The following MARCHF6 variants were observed in gnomAD, a reference collection of about 807,000 sequenced individuals.
MARCHF6 encodes membrane associated ring-CH-type finger 6, also known as E3 ubiquitin-protein ligase MARCHF6.
Under a neutral mutation model 133.7 loss-of-function variants are expected in MARCHF6, and 31 were observed. The observed-to-expected ratio is 0.23, with a 90% CI of 0.17 to 0.31. The LOEUF (loss-of-function observed/expected upper bound fraction) is 0.31. Ranked by LOEUF, MARCHF6 falls within the 10% of genes least tolerant of loss-of-function variation. The probability of loss-of-function intolerance (pLI) is 1.00; values close to 1 mark genes in which losing one functional copy is unlikely to be tolerated. For synonymous variants in MARCHF6, 395 were observed against 402.5 expected (o/e 0.98, Z 0.22); for missense variants, 723 against 1,121.6 (o/e 0.64, Z 5.08).
intron 1 of MARCHF6, among the ~76,000 whole-genome samples, chr5:10,376,306 G>C (rs560455822): frequency 1.3e-5 from 2 of 151,682 alleles, no homozygotes; most frequent in African/African-American, 4.8e-5. Flanking sequence ...CAGACGCGCT[G>C]CCTTAAGAGC....
At chr5:10,366,712 G>A (rs1251425617) in intron 1 of MARCHF6, among the ~76,000 whole-genome samples, 1 of 152,188 alleles carries the variant, frequency 6.6e-6, no homozygotes, top group East Asian at 1.9e-4. Flanking sequence ...AAGAGCAGGG[G>A]GGAGGTGATA....
Position 10,402,377 on chromosome 5 carries a change from G to A in MARCHF6, c.1054-7G>A, listed in dbSNP as rs748046312. On this transcript the variant is annotated splice_region_variant and splice_polypyrimidine_tract_variant and intron_variant, in intron 12 of 25. Transcript: ENST00000274140. ...ATACTCAGTTTTTCCTTGACCTGAT[G>A]CTGTAGGGCTTGGCAACTCTTGTGA... 2.5e-6 allele frequency: 4 copies of A among 1,613,320 alleles called. No homozygotes were observed. Among genetic ancestry groups the A allele is most frequent in the Non-Finnish European group, 3.4e-6 (4 of 1,179,330 alleles).
intron 22 of MARCHF6, among the ~76,000 whole-genome samples, chr5:10,419,280 C>T (rs1739702482): frequency 6.6e-6 from 1 of 152,098 alleles, no homozygotes; most frequent in African/African-American, 2.4e-5. Context: ...ATAGTCACTA[C>T]GTAATTATAA....
chr5:10,423,486 T>G (rs1739932029), intron 22 of MARCHF6, among the ~76,000 whole-genome samples: 1 of 152,236 alleles, frequency 6.6e-6, no homozygotes, highest in African/African-American at 2.4e-5. Flanking sequence ...AGACTTTCTC[T>G]AACTCTTGGG....
chr5:10,404,282 G>T (rs569996609), intron 15 of MARCHF6, among the ~76,000 whole-genome samples: 11 of 152,136 alleles, frequency 7.2e-5, no homozygotes, highest in Non-Finnish European at 1.0e-4. Context: ...TGGCCAGGCT[G>T]TTCTTGAACT....
At chr5:10,383,324 A>T (rs1273768276) in intron 4 of MARCHF6, among the ~76,000 whole-genome samples, 1 of 152,194 alleles carries the variant, frequency 6.6e-6, no homozygotes, top group African/African-American at 2.4e-5. Flanking sequence ...TAAAAGAGAT[A>T]ATGGAGATGA....
chr5:10,390,836 T>C (rs1428604855), intron 6 of MARCHF6, among the ~76,000 whole-genome samples: 2 of 152,204 alleles, frequency 1.3e-5, no homozygotes, highest in African/African-American at 4.8e-5. Context: ...TGTATGTACA[T>C]TTTTTTAAAA....
chr5:10,381,477 A>T (rs1279189028), intron 3 of MARCHF6, among the ~76,000 whole-genome samples: 1 of 152,144 alleles, frequency 6.6e-6, no homozygotes. Flanking sequence ...AAACCAGATG[A>T]TTATATTGGT....
intron 3 of MARCHF6, 95 bp downstream of exon 3, chr5:10,378,927 A>G (rs1736953595): frequency 1.4e-6 from 1 of 733,088 alleles, no homozygotes; most frequent in Non-Finnish European, 2.3e-6. Flanking sequence ...AAGGGGGATA[A>G]AAGTGCTTAA....
chr5:10,429,050 G>C (rs1740235676), intron 24 of MARCHF6, among the ~76,000 whole-genome samples: 1 of 152,102 alleles, frequency 6.6e-6, no homozygotes, highest in Non-Finnish European at 1.5e-5. Flanking sequence ...CCCAAAGTCT[G>C]GTTTTTAAGG....
intron 1 of MARCHF6, 157 bp downstream of exon 1, chr5:10,354,074 G>A: frequency 1.6e-6 from 1 of 621,940 alleles, no homozygotes. Flanking sequence ...GGGAGCGGAA[G>A]GTGACCCTCT....
chr5:10,382,205 C>T (rs189943355), intron 4 of MARCHF6, among the ~76,000 whole-genome samples: 1 of 152,090 alleles, frequency 6.6e-6, no homozygotes, highest in South Asian at 2.1e-4. Context: ...TTGAAAAAAT[C>T]AAATCAAATC....
intron 10 of MARCHF6, among the ~76,000 whole-genome samples, chr5:10,398,608 AATG>A (rs934450109): frequency 3.3e-5 from 5 of 152,012 alleles, no homozygotes; most frequent in Non-Finnish European, 7.4e-5. Flanking sequence ...TGAGAGAAAA[AATG>A]ATCTATAGAT....
chr5:10,356,989 C>A (rs548904335), intron 1 of MARCHF6, among the ~76,000 whole-genome samples: 13 of 152,248 alleles, frequency 8.5e-5, no homozygotes, highest in East Asian at 7.7e-4. Context: ...ATAATCCATT[C>A]TCATAATACA....
intron 3 of MARCHF6, among the ~76,000 whole-genome samples, 175 bp downstream of exon 3, chr5:10,379,007 A>C (rs1163747979): frequency 2.0e-5 from 3 of 152,158 alleles, no homozygotes; most frequent in Non-Finnish European, 4.4e-5. Context: ...ATTTAGGAAA[A>C]TATTTTGAAA....
intron 1 of MARCHF6, among the ~76,000 whole-genome samples, chr5:10,365,037 A>T (rs1561097308): frequency 6.6e-6 from 1 of 152,026 alleles, no homozygotes; most frequent in Admixed American, 6.6e-5. Flanking sequence ...TCCTGACCTC[A>T]GTTGATCTAC....
At chr5:10,418,340 A>G (rs1047910853) in intron 22 of MARCHF6, among the ~76,000 whole-genome samples, 4 of 150,884 alleles carry the variant, frequency 2.7e-5, no homozygotes, top group Admixed American at 2.7e-4. Flanking sequence ...AGATCATGCT[A>G]CTGCACTCCA....
At chr5:10,398,294 A>G (rs191325646) in intron 10 of MARCHF6, among the ~76,000 whole-genome samples, 106 of 152,344 alleles carry the variant, frequency 7.0e-4, no homozygotes, top group Admixed American at 6.5e-3. Context: ...TTTAATAAGA[A>G]GCCATGTGGT....
intron 2 of MARCHF6, 24 bp downstream of exon 2, chr5:10,377,918 A>T (rs761991208): frequency 6.9e-7 from 1 of 1,445,100 alleles, no homozygotes; most frequent in African/African-American, 1.4e-5. Flanking sequence ...TTAGAAAGTT[A>T]TGTAAGTCTG....
Sources: gnomAD v4.1 joint callset for allele counts (sites outside exome capture counted in the v4.1 genomes callset) on GRCh38, gnomAD v4.1.1 for gene constraint, MANE v1.5 for transcripts, NCBI Gene and HGNC (gene_info 2026-07-23, HGNC 2026-07-21) for gene names.